Variants in ASTN2 observed in about 807,000 individuals in gnomAD.
ASTN2 encodes astrotactin 2, also known as astrotactin-2.
ASTN2 carries 54 observed loss-of-function variants against 139.8 expected under a neutral mutation model. The observed-to-expected ratio is 0.39, with a 90% CI of 0.31 to 0.48. The LOEUF (loss-of-function observed/expected upper bound fraction) is 0.48. ASTN2 is among the 20% of genes least tolerant of loss of function. ASTN2 has a pLI of 0.95. For synonymous variants in ASTN2, 756 were observed against 719.5 expected (o/e 1.05, Z -0.81); for missense variants, 1,565 against 1,725.1 (o/e 0.91, Z 1.64).
intron 3 of ASTN2, among the ~76,000 whole-genome samples, chr9:117,190,375 C>A (rs1224957011): frequency 6.6e-6 from 1 of 152,220 alleles, no homozygotes; most frequent in Non-Finnish European, 1.5e-5. Context: ...AGTACAATCT[C>A]TATTCTCTGC....
At chr9:117,066,247 C>A (rs1041788654) in intron 5 of ASTN2, among the ~76,000 whole-genome samples, 1 of 141,276 alleles carries the variant, frequency 7.1e-6, no homozygotes, top group Admixed American at 7.2e-5. Context: ...CAATTCCCAC[C>A]TATGAGTGAG....
chr9:116,754,540 G>A (rs570755134), intron 13 of ASTN2, among the ~76,000 whole-genome samples: 1 of 152,258 alleles, frequency 6.6e-6, no homozygotes, highest in South Asian at 2.1e-4. Context: ...TGTAAATAAT[G>A]TTATATTGGA....
chr9:117,306,642 T>G lies in ASTN2; in HGVS notation c.443-15129A>C, dbSNP rs147790766. ...CACTGTCTTAATGGAAACTGTGTTA[T>G]GCTATCAGAAAACAGCGACAACTAC... On this transcript the variant is annotated intron_variant, in intron 1 of 22. Coordinates refer to ENST00000313400, the MANE Select transcript of ASTN2 (RefSeq NM_001365068.1). 1.6e-3 allele frequency among the ~76,000 whole-genome samples: 242 copies of G among 152,300 alleles called. 1 individual carries two copies. Among genetic ancestry groups the G allele is most frequent in the Non-Finnish European group, 2.9e-3 (196 of 68,018 alleles).
intron 1 of ASTN2, among the ~76,000 whole-genome samples, chr9:117,364,967 A>AC (rs1321232879): frequency 7.1e-6 from 1 of 141,550 alleles, no homozygotes; most frequent in African/African-American, 2.6e-5. Context: ...ACACACACAC[A>AC]CACACACACA....
At chr9:117,309,913 C>T (rs1192500034) in intron 1 of ASTN2, among the ~76,000 whole-genome samples, 1 of 152,116 alleles carries the variant, frequency 6.6e-6, no homozygotes, top group Non-Finnish European at 1.5e-5. Flanking sequence ...CTGTCACCAT[C>T]TTGAAATTAC....
At chr9:117,006,334 C>T (rs1026133698) in intron 7 of ASTN2, among the ~76,000 whole-genome samples, 1 of 152,190 alleles carries the variant, frequency 6.6e-6, no homozygotes, top group African/African-American at 2.4e-5. Context: ...CTGACCTTCC[C>T]ACTGCATCCC....
intron 13 of ASTN2, among the ~76,000 whole-genome samples, chr9:116,802,392 T>C (rs1451949559): frequency 6.6e-6 from 1 of 152,186 alleles, no homozygotes; most frequent in Non-Finnish European, 1.5e-5. Flanking sequence ...AGCGGTGCCA[T>C]GCTCTTTCTC....
At chr9:116,618,700 A>G (rs1439523985) in intron 18 of ASTN2, among the ~76,000 whole-genome samples, 2 of 152,242 alleles carry the variant, frequency 1.3e-5, no homozygotes, top group African/African-American at 4.8e-5. Context: ...AGATCAAAGT[A>G]GAATTTCATA....
chr9:116,589,218 C>A (rs1854280315), intron 19 of ASTN2, among the ~76,000 whole-genome samples: 2 of 152,080 alleles, frequency 1.3e-5, no homozygotes, highest in African/African-American at 4.8e-5. Context: ...AAATAGATTG[C>A]AATTAAAGAT....
intron 16 of ASTN2, among the ~76,000 whole-genome samples, chr9:116,688,460 A>G (rs770795697): frequency 6.6e-6 from 1 of 152,186 alleles, no homozygotes; most frequent in Non-Finnish European, 1.5e-5. Flanking sequence ...CTGGATGAGT[A>G]TATGAAGATG....
At chr9:117,372,142 A>T (rs1447805475) in intron 1 of ASTN2, among the ~76,000 whole-genome samples, 1 of 152,156 alleles carries the variant, frequency 6.6e-6, no homozygotes, top group Admixed American at 6.6e-5. Context: ...GCCCGACTGC[A>T]GTCCCCGAGG....
intron 13 of ASTN2, among the ~76,000 whole-genome samples, chr9:116,804,141 A>G (rs1461491420): frequency 3.3e-5 from 5 of 152,136 alleles, no homozygotes; most frequent in Admixed American, 3.3e-4. Flanking sequence ...GTATATGATG[A>G]TTACAAGGAT....
chr9:116,703,891 CAG>C (rs890042723), intron 16 of ASTN2, among the ~76,000 whole-genome samples: 1 of 152,186 alleles, frequency 6.6e-6, no homozygotes, highest in African/African-American at 2.4e-5. Flanking sequence ...CATGAAACAA[CAG>C]ATGCCTGGAT....
rs557177456 is a variant in ASTN2 at position 117,022,731 on chromosome 9, T to G, written c.1424-14472A>C. On this transcript the variant is annotated intron_variant, in intron 6 of 22. Coordinates refer to ENST00000313400, the MANE Select transcript of ASTN2 (RefSeq NM_001365068.1). ...AGTAAAATGGATTCTCCTCAAATAA[T>G]GAAGACGATTGTCAGCTGGGAGTTG... Among the ~76,000 whole-genome samples, 4 of 152,206 alleles carry G rather than the reference T, an allele frequency of 2.6e-5. No individual in the cohort carries two copies. In the East Asian group the frequency reaches 7.7e-4, roughly 29 times the overall value.
intron 3 of ASTN2, among the ~76,000 whole-genome samples, chr9:117,212,885 A>G (rs952981473): frequency 6.6e-6 from 1 of 152,318 alleles, no homozygotes. Flanking sequence ...AAGGTCCTCT[A>G]AAAACTACAA....
chr9:116,822,664 T>C (rs1254911949), intron 11 of ASTN2, among the ~76,000 whole-genome samples: 1 of 152,218 alleles, frequency 6.6e-6, no homozygotes, highest in African/African-American at 2.4e-5. Flanking sequence ...ACTTGTTTTT[T>C]TAAACGTGTT....
At chr9:117,041,412 T>C (rs1051976890) in intron 5 of ASTN2, among the ~76,000 whole-genome samples, 1 of 152,174 alleles carries the variant, frequency 6.6e-6, no homozygotes, top group Non-Finnish European at 1.5e-5. Flanking sequence ...CCTGAGATCC[T>C]CAGCTTATTG....
chr9:116,695,069 C>T (rs977105258), intron 16 of ASTN2, among the ~76,000 whole-genome samples: 1 of 151,982 alleles, frequency 6.6e-6, no homozygotes, highest in Non-Finnish European at 1.5e-5. Flanking sequence ...GGCAGCATTC[C>T]CCAGAGCGTG....
intron 11 of ASTN2, among the ~76,000 whole-genome samples, chr9:116,830,330 C>T (rs1333899250): frequency 1.3e-5 from 2 of 152,062 alleles, no homozygotes; most frequent in Non-Finnish European, 2.9e-5. Flanking sequence ...AGTCAAAAAA[C>T]AACAGATGCT....
Sources: allele counts gnomAD v4.1 joint callset (sites outside exome capture counted in the v4.1 genomes callset), GRCh38; gene constraint gnomAD v4.1.1; transcripts MANE v1.5; gene names NCBI Gene and HGNC (gene_info 2026-07-23, HGNC 2026-07-21).